The following SF1 variants were observed in gnomAD, a reference collection of about 807,000 sequenced individuals.
The protein encoded by SF1 is splicing factor 1, also known as branch point-binding protein.
SF1 carries 7 observed loss-of-function variants against 62.5 expected under a neutral mutation model. That is an observed-to-expected ratio of 0.11 (90% CI 0.06 to 0.21). The LOEUF (loss-of-function observed/expected upper bound fraction) is 0.21. Ranked by LOEUF, SF1 falls within the 10% of genes least tolerant of loss-of-function variation. The pLI is 1.00. For synonymous variants in SF1, 394 were observed against 323.6 expected (o/e 1.22, Z -2.33); for missense variants, 578 against 884.0 (o/e 0.65, Z 4.39).
intron 3 of SF1, chr11:64,772,032 A>G: frequency 2.0e-6 from 2 of 985,454 alleles, no homozygotes; most frequent in Non-Finnish European, 2.4e-6. Flanking sequence ...AAGTCTTACC[A>G]GCACCCAATT....
At position 64,771,732 on chromosome 11, in the gene SF1, G is replaced by A. The variant is rs1402595415; in HGVS notation, c.237-1324C>T. On this transcript the variant is annotated intron_variant, in intron 3 of 12. Transcript: ENST00000377390. ...CCATCTTATACATTTAAGTCTACAA[G>A]AAAAGTTTTAAACATGTTTTTACTG... 3 of 985,320 alleles carry A rather than the reference G, an allele frequency of 3.0e-6. No homozygotes were observed. In the South Asian group the frequency reaches 1.4e-4, roughly 46 times the overall value. 61.0% of individuals were successfully genotyped at this position (985,320 alleles called of 1,614,324 possible).
intron 3 of SF1, 121 bp downstream of exon 3, chr11:64,773,309 G>A: frequency 2.1e-5 from 31 of 1,486,644 alleles, no homozygotes; most frequent in Non-Finnish European, 2.7e-5. Flanking sequence ...TCCCCAAAGT[G>A]GTCAGGGTAC....
intron 3 of SF1, chr11:64,772,006 A>G (rs1938398384): frequency 2.0e-6 from 2 of 985,260 alleles, no homozygotes; most frequent in Non-Finnish European, 1.2e-6. Flanking sequence ...AAGCATTCTT[A>G]GCTAGTTACA....
intron 8 of SF1, 73 bp downstream of exon 8, chr11:64,768,949 A>T (rs1218873510): frequency 1.9e-5 from 18 of 965,768 alleles, no homozygotes; most frequent in Non-Finnish European, 2.9e-5. Flanking sequence ...ATTAACAGCA[A>T]CCAATGAATG....
chr11:64,766,562 A>G (rs1461572026), intron 12 of SF1: 4 of 408,538 alleles, frequency 9.8e-6, no homozygotes, highest in South Asian at 4.0e-5. Flanking sequence ...TGCCAGAGCA[A>G]GCATGCACCA....
chr11:64,765,635 C>A lies in SF1; in HGVS notation c.*183G>T. On this transcript the variant is annotated 3_prime_UTR_variant, in exon 13 of 13. Coordinates refer to ENST00000377390, the MANE Select transcript of SF1 (RefSeq NM_004630.4). Reference sequence around the variant, plus strand: ...GCCCAAGCTGGCGCCCCTACTACCACCTGCCCGTTCCCAAGCGAATCCTCA... The same window carrying A: ...GCCCAAGCTGGCGCCCCTACTACCAACTGCCCGTTCCCAAGCGAATCCTCA... 6.7e-7 allele frequency: 1 copy of A among 1,494,348 alleles called. No homozygotes were observed. The allele number at this position is 1,494,348 out of a possible 1,614,324, so 92.6% of individuals were successfully genotyped here.
chr11:64,767,169 C>T, intron 11 of SF1, 23 bp downstream of exon 11: 1 of 1,613,884 alleles, frequency 6.2e-7, no homozygotes, highest in Non-Finnish European at 8.5e-7. Context: ...GGTGAAGACC[C>T]ACAGCCAGCA....
chr11:64,773,707 A>G (rs1403912578), intron 2 of SF1, among the ~76,000 whole-genome samples: 1 of 152,200 alleles, frequency 6.6e-6, no homozygotes, highest in African/African-American at 2.4e-5. Context: ...TTCACTTCAA[A>G]ATGGTTATCA....
In SF1 at chr11:64,769,117, G is replaced by C. The variant is rs149216641; in HGVS notation, c.792C>G (p.Pro264=). The C allele has an allele frequency of 1.9e-6, 3 of 1,613,948 alleles. No individual in the cohort carries two copies. The highest frequency in any genetic ancestry group is 2.5e-6 in the Non-Finnish European group (3 of 1,179,924). ...TGCTGCGGGTCTCTGAGCTCTGCCAGGGTCTTAAGATCCTATTAAAGGAAA... is the reference window on the plus strand; with the variant it reads ...TGCTGCGGGTCTCTGAGCTCTGCCACGGTCTTAAGATCCTATTAAAGGAAA... ...LREDDNRILR[P]WQSSETRSIT... Residue 264 remains proline (P), a synonymous_variant, in exon 8 of 13, where the codon CCC becomes CCG. Transcript: ENST00000377390.
chr11:64,766,349 T>C (rs934762063), intron 12 of SF1, 194 bp from the exon 13 acceptor site: 22 of 590,370 alleles, frequency 3.7e-5, no homozygotes, highest in African/African-American at 5.7e-5. Flanking sequence ...AGCCTCGAGG[T>C]CTCTGGGCTT....
At position 64,765,136 on chromosome 11, in the gene SF1, A is replaced by G. The variant is rs2058552906; in HGVS notation, c.*682T>C. The G allele has an allele frequency of 3.8e-6, 1 of 263,386 alleles. No individual in the cohort carries two copies. Among genetic ancestry groups the G allele is most frequent in the African/African-American group, 2.2e-5 (1 of 44,804 alleles). The allele number at this position is 263,386 out of a possible 1,614,324, so 16.3% of individuals were successfully genotyped here. The stretch of plus-strand genomic sequence containing the variant: ...GGGGGTGGCTATGGCACCTTGAAAA[A>G]CCCACAACCAGCTTGACATGAATGG... On this transcript the variant is annotated 3_prime_UTR_variant, in exon 13 of 13. Coordinates refer to ENST00000377390, the MANE Select transcript of SF1 (RefSeq NM_004630.4).
At position 64,765,561 on chromosome 11, in the gene SF1, GAGAGAAAGA is replaced by G. The variant is rs762449011; in HGVS notation, c.*248_*256del. ...GGAGAGGCAAAGGGAGTTGGGTGAGGAGAGAAAGAAGACAAAGAAGACACTCGATGCTAC... is the reference window on the plus strand; with the variant it reads ...GGAGAGGCAAAGGGAGTTGGGTGAGGAGACAAAGAAGACACTCGATGCTAC... On this transcript the variant is annotated 3_prime_UTR_variant, in exon 13 of 13. Coordinates refer to ENST00000377390, the MANE Select transcript of SF1 (RefSeq NM_004630.4). 1.3e-6 allele frequency: 2 copies of G among 1,571,912 alleles called. No homozygotes were observed. The highest frequency in any genetic ancestry group is 1.7e-6 in the Non-Finnish European group (2 of 1,162,678).
At position 64,767,638 on chromosome 11, in the gene SF1, C is replaced by A. The variant is rs368759785; in HGVS notation, c.1275G>T (p.Met425Ile). Residue 425 changes from methionine (M) to isoleucine (I), a missense_variant, in exon 10 of 13, where the codon ATG (methionine) becomes ATT (isoleucine). Met to Ile is a conservative substitution (Grantham distance 10). Transcript: ENST00000377390. Reference protein sequence around the residue: ...HNPNGPPPPWMQPPPPPMNQG... With the variant: ...HNPNGPPPPWIQPPPPPMNQG... ...GGTTCATCGGTGGTGGTGGTGGCTG[C>A]ATCCAAGGGGGTGGGGGTCCATTGG... 5.0e-6 allele frequency: 8 copies of A among 1,592,224 alleles called. No homozygotes were observed. In the African/African-American group the frequency reaches 1.1e-4, roughly 22 times the overall value.
chr11:64,776,702 C>T (rs1939307289), intron 1 of SF1, 76 bp from the exon 2 acceptor site: 6 of 1,426,846 alleles, frequency 4.2e-6, no homozygotes, highest in Non-Finnish European at 5.8e-6. Context: ...ATTTAAGGTA[C>T]TACACAGAAA....
intron 2 of SF1, among the ~76,000 whole-genome samples, chr11:64,775,537 A>T (rs1301305748): frequency 1.3e-5 from 2 of 152,208 alleles, no homozygotes; most frequent in Non-Finnish European, 2.9e-5. Flanking sequence ...CAGTCTAAAA[A>T]ACAGGAAATT....
chr11:64,773,458 G>A lies in SF1; in HGVS notation c.208C>T (p.Leu70=). 1 of 1,613,744 alleles carries A rather than the reference G, an allele frequency of 6.2e-7. No homozygotes were observed. Residue 70 remains leucine, a synonymous_variant, in exon 3 of 13, where the codon CTG becomes TTG. Coordinates refer to ENST00000377390, the MANE Select transcript of SF1 (RefSeq NM_004630.4). ...TCCTCAGGGTTAGGGGGGATGCCCA[G>A]GTCTCCTGTGCGCAGTTTACGAGTC... ...DLTRKLRTGD[L]GIPPNPEDRS...
chr11:64,778,345 G>C lies in SF1; in HGVS notation c.31+17C>G. 2 of 1,224,230 alleles carry C rather than the reference G, an allele frequency of 1.6e-6. No homozygotes were observed. The highest frequency in any genetic ancestry group is 2.0e-6 in the Non-Finnish European group (2 of 982,260). 75.8% of individuals were successfully genotyped at this position (1,224,230 alleles called of 1,614,324 possible). A position where few individuals can be genotyped will look rare whatever the true frequency, so the allele number is the denominator to read the frequency against. ...TGGGCCCGGGGAGCGGGGGCAGCCC[G>C]GGGGGGCCCAGCTTACCCAACGGCG... On this transcript the variant is annotated intron_variant, in intron 1 of 12. Coordinates refer to ENST00000377390, the MANE Select transcript of SF1 (RefSeq NM_004630.4).
Position 64,765,668 on chromosome 11 carries a change from G to C in SF1, c.*150C>G. On this transcript the variant is annotated 3_prime_UTR_variant, in exon 13 of 13. Transcript: ENST00000377390. The stretch of plus-strand genomic sequence containing the variant: ...TTCCCAAGCGAATCCTCAGTCGCTT[G>C]GCCCAGCCCAGTGCGTGCACACACA... 6.8e-7 allele frequency: 1 copy of C among 1,477,578 alleles called. No individual in the cohort carries two copies. The highest frequency in any genetic ancestry group is 8.9e-7 in the Non-Finnish European group (1 of 1,119,758). 91.5% of individuals were successfully genotyped at this position (1,477,578 alleles called of 1,614,324 possible). A position where few individuals can be genotyped will look rare whatever the true frequency, so the allele number is the denominator to read the frequency against.
intron 1 of SF1, 112 bp downstream of exon 1, chr11:64,778,250 G>T: frequency 8.3e-6 from 10 of 1,206,136 alleles, no homozygotes; most frequent in Non-Finnish European, 1.0e-5. Context: ...CGGGGGCGGC[G>T]GCGGCCCGGG....
Sources: gnomAD v4.1 joint callset for allele counts (sites outside exome capture counted in the v4.1 genomes callset) on GRCh38, gnomAD v4.1.1 for gene constraint, MANE v1.5 for transcripts, NCBI Gene and HGNC (gene_info 2026-07-23, HGNC 2026-07-21) for gene names.